Variants in GPC6 observed in about 807,000 individuals in gnomAD.
GPC6 encodes the protein glypican 6.
In GPC6, 14 loss-of-function variants were observed where a neutral mutation model predicts 55.2. The observed-to-expected ratio is 0.25, with a 90% confidence interval of 0.17 to 0.40. GPC6 has a LOEUF of 0.40. GPC6 is among the 10% of genes least tolerant of loss of function. The pLI, the probability that GPC6 is intolerant of heterozygous loss-of-function variation, is 1.00. For missense variants in GPC6, 641 were observed against 708.5 expected (o/e 0.90, Z 1.08); for synonymous variants, 278 against 259.6 (o/e 1.07, Z -0.68).
intron 1 of GPC6, among the ~76,000 whole-genome samples, chr13:93,304,378 G>A (rs1193488336): frequency 1.3e-5 from 2 of 152,172 alleles, no homozygotes; most frequent in East Asian, 3.9e-4. Flanking sequence ...GCTGGTAGAT[G>A]GCAGTTGCTA....
intron 1 of GPC6, among the ~76,000 whole-genome samples, chr13:93,541,164 A>C (rs1249106527): frequency 7.6e-6 from 1 of 131,540 alleles, no homozygotes; most frequent in African/African-American, 2.8e-5. Context: ...TCCTAAAGCT[A>C]TCCCTCCCCC....
intron 1 of GPC6, among the ~76,000 whole-genome samples, chr13:93,265,625 T>C (rs1877295486): frequency 6.6e-6 from 1 of 152,148 alleles, no homozygotes; most frequent in South Asian, 2.1e-4. Context: ...AAATCTGAAA[T>C]TTGAAAGACT....
At chr13:94,236,565 A>G (rs1207826858) in intron 4 of GPC6, among the ~76,000 whole-genome samples, 1 of 152,162 alleles carries the variant, frequency 6.6e-6, no homozygotes, top group Non-Finnish European at 1.5e-5. Context: ...TCTAAAAGAA[A>G]TGCTATGAAG....
chr13:93,750,465 G>A (rs1038107156), intron 2 of GPC6, among the ~76,000 whole-genome samples: 17 of 152,050 alleles, frequency 1.1e-4, no homozygotes, highest in Non-Finnish European at 2.4e-4. Context: ...AACTTCTTCA[G>A]GGCTATATTT....
At chr13:94,181,678 C>G (rs1337860176) in intron 4 of GPC6, among the ~76,000 whole-genome samples, 1 of 152,150 alleles carries the variant, frequency 6.6e-6, no homozygotes, top group Admixed American at 6.5e-5. Flanking sequence ...CACTTTGCCA[C>G]CTGGCTTTTG....
chr13:94,347,837 A>G (rs904128073), intron 6 of GPC6, among the ~76,000 whole-genome samples: 10 of 152,210 alleles, frequency 6.6e-5, no homozygotes, highest in African/African-American at 1.4e-4. Flanking sequence ...TTGCATAACA[A>G]CCATGTTTGG....
Position 93,792,683 on chromosome 13 carries a change from G to A in GPC6, c.320-37471G>A, listed in dbSNP as rs189647669. 3.5e-3 allele frequency among the ~76,000 whole-genome samples: 527 copies of A among 152,244 alleles called. 2 individuals are homozygous for A. Among genetic ancestry groups the A allele is most frequent in the Non-Finnish European group, 6.2e-3 (420 of 68,010 alleles). On this transcript the variant is annotated intron_variant, in intron 2 of 8. Coordinates refer to ENST00000377047, the MANE Select transcript of GPC6 (RefSeq NM_005708.5). The stretch of plus-strand genomic sequence containing the variant: ...GGTCGCATAATGAGGCTTTGTAGGG[G>A]AAAACGTGGTTTTCACACTTACTTT...
chr13:93,699,550 C>T (rs1216590545), intron 2 of GPC6, among the ~76,000 whole-genome samples: 1 of 152,024 alleles, frequency 6.6e-6, no homozygotes, highest in East Asian at 1.9e-4. Flanking sequence ...TTTCCTTTTG[C>T]CCATATAAAT....
At chr13:94,372,349 GGTGCGCGCACC>G (rs1326992662) in intron 6 of GPC6, among the ~76,000 whole-genome samples, 9 of 152,158 alleles carry the variant, frequency 5.9e-5, no homozygotes, top group African/African-American at 2.2e-4. Context: ...CAGGTCAGTG[GGTGCGCGCACC>G]GTGCGCGAGC....
rs547419029 is a variant in GPC6, at chr13:93,939,572, G to A, written c.712-88157G>A. On this transcript the variant is annotated intron_variant, in intron 3 of 8. Transcript: ENST00000377047. ...CGTTTTTTTTCAATTATTTATCTCAGTTCATATTAGCTGAAATGACAGATG... is the reference window on the plus strand; with the variant it reads ...CGTTTTTTTTCAATTATTTATCTCAATTCATATTAGCTGAAATGACAGATG... Among the ~76,000 whole-genome samples, 267 of 151,758 alleles carry A rather than the reference G, an allele frequency of 1.8e-3. 2 individuals carry two copies. The highest frequency in any genetic ancestry group is 2.3e-3 in the Non-Finnish European group (159 of 67,966).
At chr13:93,218,658 T>C in the GPC6 span, among the ~76,000 whole-genome samples, 1 of 152,306 alleles carries the variant, frequency 6.6e-6, no homozygotes, top group Non-Finnish European at 1.5e-5. Flanking sequence ...AAATCTTAAT[T>C]GAAAATGTTG....
chr13:94,058,874 A>G (rs1418018044), intron 4 of GPC6, among the ~76,000 whole-genome samples: 2 of 152,218 alleles, frequency 1.3e-5, no homozygotes, highest in African/African-American at 4.8e-5. Context: ...GTTAGAATAA[A>G]TGTAGACAAG....
upstream of GPC6, among the ~76,000 whole-genome samples, chr13:93,224,496 G>A (rs1330905994): frequency 6.6e-6 from 1 of 152,252 alleles, no homozygotes; most frequent in Non-Finnish European, 1.5e-5. Flanking sequence ...GCCTGGCCTC[G>A]TTTGCTTCCT....
intron 1 of GPC6, among the ~76,000 whole-genome samples, chr13:93,301,026 A>G (rs1878660209): frequency 6.6e-6 from 1 of 152,142 alleles, no homozygotes; most frequent in Admixed American, 6.5e-5. Flanking sequence ...TCTCAAAAAA[A>G]AAAAAGAAAA....
intron 1 of GPC6, among the ~76,000 whole-genome samples, chr13:93,411,339 C>T (rs1483558669): frequency 1.3e-5 from 2 of 152,178 alleles, no homozygotes. Context: ...GTGACAGTGT[C>T]TGTTCACCTC....
intron 1 of GPC6, among the ~76,000 whole-genome samples, chr13:93,267,730 T>A (rs1001195475): frequency 6.6e-5 from 10 of 152,220 alleles, no homozygotes; most frequent in Non-Finnish European, 7.3e-5. Context: ...TGAAGTATTA[T>A]CTACTGCTTT....
intron 2 of GPC6, among the ~76,000 whole-genome samples, chr13:93,686,541 A>T (rs1314623832): frequency 6.6e-6 from 1 of 152,124 alleles, no homozygotes; most frequent in Non-Finnish European, 1.5e-5. Context: ...TTGGCATATA[A>T]TCTTGGTTTC....
intron 4 of GPC6, among the ~76,000 whole-genome samples, chr13:94,042,337 C>G (rs974308153): frequency 6.6e-6 from 1 of 151,962 alleles, no homozygotes. Flanking sequence ...TATGGTATTT[C>G]TTTATAGCAA....
chr13:94,143,763 C>T (rs1025099280), intron 4 of GPC6, among the ~76,000 whole-genome samples: 2 of 152,134 alleles, frequency 1.3e-5, no homozygotes, highest in Admixed American at 6.5e-5. Context: ...CACCTGTAGT[C>T]CCAGCTACCT....
Sources: allele counts gnomAD v4.1 joint callset (sites outside exome capture counted in the v4.1 genomes callset), GRCh38; gene constraint gnomAD v4.1.1; transcripts MANE v1.5; gene names NCBI Gene and HGNC (gene_info 2026-07-23, HGNC 2026-07-21).